Variants in COBLL1 observed in about 807,000 individuals in gnomAD.
The protein encoded by COBLL1 is cordon-bleu protein-like 1.
In COBLL1, 50 loss-of-function variants were observed where a neutral mutation model predicts 94.8. The observed-to-expected ratio is 0.53, with a 90% CI of 0.42 to 0.67. The LOEUF (loss-of-function observed/expected upper bound fraction) is 0.67. Ranked by LOEUF, COBLL1 falls within the 30% of genes least tolerant of loss-of-function variation. The pLI, the probability that COBLL1 is intolerant of heterozygous loss-of-function variation, is 0.00. For missense variants in COBLL1, 1,362 were observed against 1,348.7 expected (o/e 1.01, Z -0.15); for synonymous variants, 448 against 473.8 (o/e 0.95, Z 0.71).
chr2:164,717,795 T>C (rs967768345), intron 7 of COBLL1, among the ~76,000 whole-genome samples: 1 of 152,114 alleles, frequency 6.6e-6, no homozygotes, highest in African/African-American at 2.4e-5. Flanking sequence ...AACTCCCGGC[T>C]TTTAAGTGAT....
At chr2:164,665,156 C>T (rs554513958) in intron 2 of COBLL1, among the ~76,000 whole-genome samples, 11 of 152,126 alleles carry the variant, frequency 7.2e-5, no homozygotes, top group African/African-American at 2.2e-4. Context: ...CATGGCAAAA[C>T]GCCATCTCTA....
chr2:164,805,287 GTCTCTCTCTC>G (rs543005860), intron 2 of COBLL1, among the ~76,000 whole-genome samples: 1,039 of 34,070 alleles, frequency 0.03, 58 homozygotes, highest in Non-Finnish European at 0.036. Context: ...CTCTCTGTCT[GTCTCTCTCTC>G]TCTCTCTCTC....
intron 13 of COBLL1, 143 bp from the exon 14 acceptor site, chr2:164,686,175 A>C: frequency 2.0e-6 from 1 of 500,750 alleles, no homozygotes; most frequent in South Asian, 3.3e-5. Flanking sequence ...ATAATCAAGA[A>C]TAAATGTTCA....
chr2:164,817,098 G>A (rs1168409222), intron 2 of COBLL1, among the ~76,000 whole-genome samples: 3 of 152,180 alleles, frequency 2.0e-5, no homozygotes, highest in African/African-American at 7.2e-5. Context: ...GGGGAACACT[G>A]TAGAATCTGG....
chr2:164,675,976 G>A (rs1012200957), downstream of COBLL1, among the ~76,000 whole-genome samples: 2 of 152,142 alleles, frequency 1.3e-5, no homozygotes, highest in Non-Finnish European at 2.9e-5. Flanking sequence ...CTATACTGCA[G>A]TTGAAGGACA....
intron 2 of COBLL1, among the ~76,000 whole-genome samples, chr2:164,755,867 T>C (rs149002916): frequency 6.6e-6 from 1 of 152,234 alleles, no homozygotes; most frequent in South Asian, 2.1e-4. Context: ...AAAATCACTA[T>C]GCTGTGCAAG....
intron 11 of COBLL1, chr2:164,697,386 A>T (rs1343372665): frequency 6.6e-6 from 1 of 152,190 alleles, no homozygotes; most frequent in Non-Finnish European, 1.5e-5. Flanking sequence ...TAGGAACCAT[A>T]GAAGAGGCAC....
At chr2:164,707,263 C>T (rs1364126608) in intron 7 of COBLL1, among the ~76,000 whole-genome samples, 3 of 152,112 alleles carry the variant, frequency 2.0e-5, no homozygotes, top group Admixed American at 1.3e-4. Flanking sequence ...GCCTCAGCCT[C>T]CTGAGTAGCT....
rs188452007 is a variant in COBLL1 at position 164,753,851 on chromosome 2, C to T, written c.42-9976G>A. Among the ~76,000 whole-genome samples, 416 of 151,468 alleles carry T rather than the reference C, an allele frequency of 2.7e-3. 2 individuals are homozygous for T. The highest frequency in any genetic ancestry group is 4.8e-3 in the Non-Finnish European group (323 of 67,958). On this transcript the variant is annotated intron_variant, in intron 2 of 13. Transcript: ENST00000652658. ...CAGCCTCTTGGGTTCAAGCAATTCT[C>T]GTGCCTCAGCCTCCTGAGTAGCTGG...
At chr2:164,704,881 CAT>C (rs1394456004) in intron 8 of COBLL1, 69 bp downstream of exon 8, 17 of 1,375,776 alleles carry the variant, frequency 1.2e-5, no homozygotes, top group Non-Finnish European at 1.7e-5. Flanking sequence ...CTTACATACC[CAT>C]ATCTTTCCTA....
intron 2 of COBLL1, among the ~76,000 whole-genome samples, chr2:164,781,439 T>G (rs1688719484): frequency 2.0e-5 from 3 of 152,206 alleles, no homozygotes; most frequent in Admixed American, 2.0e-4. Context: ...TACTTTGGTA[T>G]CATCATGGTC....
At chr2:164,816,722 T>C (rs1433818105) in intron 2 of COBLL1, among the ~76,000 whole-genome samples, 2 of 152,154 alleles carry the variant, frequency 1.3e-5, no homozygotes, top group Admixed American at 6.5e-5. Context: ...TCAACATGCA[T>C]GACCAATAGT....
intron 9 of COBLL1, chr2:164,703,081 C>A (rs1279566078): frequency 1.2e-5 from 17 of 1,421,402 alleles, no homozygotes; most frequent in Non-Finnish European, 1.7e-5. Context: ...AAAGCACCAG[C>A]CAGGAAAGGC....
chr2:164,679,098 A>G (rs1220396125), downstream of COBLL1, among the ~76,000 whole-genome samples: 1 of 152,070 alleles, frequency 6.6e-6, no homozygotes, highest in African/African-American at 2.4e-5. Flanking sequence ...CATTTAGCAA[A>G]TATTTCTCTG....
At chr2:164,664,284 G>A (rs1691118008) in intron 2 of COBLL1, among the ~76,000 whole-genome samples, 1 of 152,200 alleles carries the variant, frequency 6.6e-6, no homozygotes, top group South Asian at 2.1e-4. Flanking sequence ...GTCATCCCAT[G>A]GTGTTACATT....
At chr2:164,759,694 C>G (rs1327374625) in intron 2 of COBLL1, among the ~76,000 whole-genome samples, 1 of 152,066 alleles carries the variant, frequency 6.6e-6, no homozygotes. Context: ...CTAGCATATA[C>G]AAAGAACTCT....
chr2:164,839,487 G>A (rs1039239306), intron 2 of COBLL1, among the ~76,000 whole-genome samples: 1 of 152,126 alleles, frequency 6.6e-6, no homozygotes, highest in Non-Finnish European at 1.5e-5. Context: ...ATGCTTGCCA[G>A]CAAAAAGTGT....
rs938051215 is a variant in COBLL1, at chr2:164,695,644, G to C, written c.1748C>G (p.Ala583Gly). ...AISYKENHLA[A>G]SSVPDQKLNQ... ...CAGTTTTTGATCTGGTACTGATGAAGCTGCTAGATGGTTTTCCTTGTAACT... is the reference window on the plus strand; with the variant it reads ...CAGTTTTTGATCTGGTACTGATGAACCTGCTAGATGGTTTTCCTTGTAACT... The change falls in exon 12 of 14, where the codon GCT becomes GGT. Residue 583 changes from alanine (A) to glycine (G), a missense_variant. Physicochemically the swap from Ala to Gly is moderately conservative, Grantham distance 60. Transcript: ENST00000652658. 2.5e-6 allele frequency: 4 copies of C among 1,613,678 alleles called. No homozygotes were observed. Among genetic ancestry groups the C allele is most frequent in the Non-Finnish European group, 3.4e-6 (4 of 1,179,864 alleles).
chr2:164,705,850 G>A (rs1041306181), intron 7 of COBLL1, among the ~76,000 whole-genome samples: 7 of 152,044 alleles, frequency 4.6e-5, no homozygotes, highest in African/African-American at 7.2e-5. Flanking sequence ...CCTGGCCAAC[G>A]TAGTGAAAGC....
Sources: gnomAD v4.1 joint callset for allele counts (sites outside exome capture counted in the v4.1 genomes callset) on GRCh38, gnomAD v4.1.1 for gene constraint, MANE v1.5 for transcripts, NCBI Gene and HGNC (gene_info 2026-07-23, HGNC 2026-07-21) for gene names.